The following EPSTI1 variants were observed in gnomAD, a reference collection of about 807,000 sequenced individuals.
EPSTI1 encodes the protein epithelial-stromal interaction protein 1.
EPSTI1 carries 66 observed loss-of-function variants against 49.9 expected under a neutral mutation model. The ratio of observed to expected loss-of-function variants is 1.32; its 90% CI spans 1.08 to 1.62. EPSTI1 has a LOEUF of 1.62. Ranked by LOEUF, EPSTI1 falls within the 40% of genes most tolerant of loss-of-function variation. EPSTI1 has a pLI of 0.00. For synonymous variants in EPSTI1, 137 were observed against 130.7 expected (o/e 1.05, Z -0.33); for missense variants, 394 against 365.5 (o/e 1.08, Z -0.64).
Position 42,974,263 on chromosome 13 carries a change from G to C in EPSTI1, c.189-3593C>G, listed in dbSNP as rs374126888. ...AGGCAGGAGAATCGCTTGATCCCAG[G>C]GGGCAGAGGTTGCAGTGAGCTGCGA... is the stretch of plus-strand genomic sequence containing the variant. On this transcript the variant is annotated intron_variant, in intron 1 of 10. Coordinates refer to ENST00000313624, the MANE Select transcript of EPSTI1 (RefSeq NM_033255.5). Among the ~76,000 whole-genome samples, 20 of 152,246 alleles carry C rather than the reference G, an allele frequency of 1.3e-4. No individual in the cohort carries two copies. In the East Asian group the frequency reaches 2.3e-3, roughly 18 times the overall value.
chr13:42,983,468 GC>G (rs2040021634), intron 1 of EPSTI1, among the ~76,000 whole-genome samples: 1 of 150,342 alleles, frequency 6.7e-6, no homozygotes, highest in Admixed American at 6.7e-5. Context: ...AGAGGCTGAG[GC>G]AGGGGAATCG....
intron 9 of EPSTI1, among the ~76,000 whole-genome samples, chr13:42,899,538 A>G (rs2037295127): frequency 6.6e-6 from 1 of 152,300 alleles, no homozygotes; most frequent in South Asian, 2.1e-4. Flanking sequence ...TGAAACCAAC[A>G]TAACTTAAAA....
intron 7 of EPSTI1, 49 bp downstream of exon 7, chr13:42,926,287 T>G (rs1272399862): frequency 9.5e-7 from 1 of 1,049,148 alleles, no homozygotes; most frequent in Non-Finnish European, 1.5e-6. Flanking sequence ...AGTCACTAAA[T>G]ACCTCTATAA....
chr13:42,903,153 G>C (rs973359003), intron 8 of EPSTI1, among the ~76,000 whole-genome samples: 1 of 151,888 alleles, frequency 6.6e-6, no homozygotes, highest in Non-Finnish European at 1.5e-5. Flanking sequence ...TCTGGAGTAT[G>C]ACACAAAGAC....
intron 2 of EPSTI1, chr13:42,969,400 C>CACAT: frequency 2.1e-6 from 1 of 474,550 alleles, no homozygotes; most frequent in Non-Finnish European, 3.7e-6. Flanking sequence ...ACAGAGGGTT[C>CACAT]GAATTTGAAA....
At chr13:42,951,715 C>T (rs563334150) in intron 6 of EPSTI1, among the ~76,000 whole-genome samples, 1 of 152,304 alleles carries the variant, frequency 6.6e-6, no homozygotes, top group East Asian at 1.9e-4. Flanking sequence ...CTTTACTTTG[C>T]CATATTTAGA....
intron 6 of EPSTI1, among the ~76,000 whole-genome samples, chr13:42,932,639 T>G (rs1236274991): frequency 7.1e-6 from 1 of 141,104 alleles, no homozygotes; most frequent in African/African-American, 2.7e-5. Flanking sequence ...AAAAAAAAAA[T>G]GTTGGCAAGA....
At chr13:42,952,220 G>A (rs573673451) in intron 6 of EPSTI1, among the ~76,000 whole-genome samples, 5 of 152,310 alleles carry the variant, frequency 3.3e-5, no homozygotes, top group African/African-American at 9.6e-5. Context: ...GCGGCAACCT[G>A]TTTGGGTCCC....
Position 42,952,410 on chromosome 13 carries a change from A to G in EPSTI1, c.563+1538T>C, listed in dbSNP as rs1240559647. On this transcript the variant is annotated intron_variant, in intron 6 of 10. Coordinates refer to ENST00000313624, the MANE Select transcript of EPSTI1 (RefSeq NM_033255.5). ...AGGAACCAACTCCAGACACAAAGCC[A>G]CCAGCCCAGCCCCTAATCTCTCTCA... 5.3e-5 allele frequency among the ~76,000 whole-genome samples: 8 copies of G among 152,308 alleles called. No homozygotes were observed. The South Asian group carries it at 8.3e-4, about 16-fold the overall frequency.
chr13:42,947,761 C>G (rs1162935909), intron 6 of EPSTI1, among the ~76,000 whole-genome samples: 1 of 152,162 alleles, frequency 6.6e-6, no homozygotes, highest in Non-Finnish European at 1.5e-5. Context: ...TTCCAAAGAC[C>G]AGTGGGCCTT....
At position 42,969,400 on chromosome 13, in the gene EPSTI1, C is replaced by T. The variant is rs1383677405; in HGVS notation, c.248-223G>A. ...TCACCAAGAGTCAGCACAGAGGGTT[C>T]GAATTTGAAAAACCACCTGGGCTCC... On this transcript the variant is annotated intron_variant, in intron 2 of 10. Transcript: ENST00000313624. The T allele has an allele frequency of 4.2e-5, 20 of 474,432 alleles. No individual in the cohort carries two copies. The East Asian group carries it at 6.3e-4, about 15-fold the overall frequency. 29.4% of individuals were successfully genotyped at this position (474,432 alleles called of 1,614,324 possible).
intron 7 of EPSTI1, among the ~76,000 whole-genome samples, chr13:42,918,009 G>C (rs997034188): frequency 6.6e-6 from 1 of 152,148 alleles, no homozygotes; most frequent in African/African-American, 2.4e-5. Flanking sequence ...AGCAATAGTG[G>C]CACTGTCTTT....
rs1319429609 is a variant in EPSTI1, at chr13:42,890,810, CT to C, written c.916-2309del. Among the ~76,000 whole-genome samples the C allele has an allele frequency of 1.8e-4, 27 of 151,934 alleles. 1 individual carries two copies. The South Asian group carries it at 4.6e-3, about 26-fold the overall frequency. ...TTGTATCATCTGTGATTTATAAAGG[CT>C]TTTTTTCCCCCTTTTCAATCCTTAT... On this transcript the variant is annotated intron_variant, in intron 10 of 10. Coordinates refer to ENST00000313624, the MANE Select transcript of EPSTI1 (RefSeq NM_033255.5).
chr13:42,957,151 A>G (rs1007568172), intron 5 of EPSTI1, among the ~76,000 whole-genome samples: 1 of 152,206 alleles, frequency 6.6e-6, no homozygotes, highest in African/African-American at 2.4e-5. Flanking sequence ...AGGAAGCATG[A>G]TGATAGGGAT....
At chr13:42,928,272 C>T (rs1271341621) in intron 6 of EPSTI1, among the ~76,000 whole-genome samples, 1 of 152,086 alleles carries the variant, frequency 6.6e-6, no homozygotes, top group Non-Finnish European at 1.5e-5. Flanking sequence ...AGCATTAGTC[C>T]CTGGTATATA....
intron 1 of EPSTI1, among the ~76,000 whole-genome samples, chr13:42,970,907 A>T (rs1377735570): frequency 6.6e-6 from 1 of 152,228 alleles, no homozygotes; most frequent in Non-Finnish European, 1.5e-5. Context: ...ATGAGTGACA[A>T]GTGACTAGTT....
intron 1 of EPSTI1, among the ~76,000 whole-genome samples, chr13:42,976,250 G>A (rs901762769): frequency 2.0e-5 from 3 of 152,202 alleles, no homozygotes; most frequent in Non-Finnish European, 2.9e-5. Flanking sequence ...TGCACACATG[G>A]TGTGTTTGCA....
chr13:42,890,835 A>G (rs564325516), intron 10 of EPSTI1, among the ~76,000 whole-genome samples: 283 of 152,010 alleles, frequency 1.9e-3, no homozygotes, highest in African/African-American at 6.5e-3. Flanking sequence ...TTCAATCCTT[A>G]TATCTTAACG....
At chr13:42,910,359 T>G (rs1007303868) in intron 8 of EPSTI1, among the ~76,000 whole-genome samples, 6 of 150,810 alleles carry the variant, frequency 4.0e-5, no homozygotes, top group African/African-American at 1.5e-4. Context: ...GCTCCTGGGT[T>G]CAAGTGATTT....
Sources: allele counts gnomAD v4.1 joint callset (sites outside exome capture counted in the v4.1 genomes callset), GRCh38; gene constraint gnomAD v4.1.1; transcripts MANE v1.5; gene names NCBI Gene and HGNC (gene_info 2026-07-23, HGNC 2026-07-21).